The following CWC27 variants were observed in gnomAD, a reference collection of about 807,000 sequenced individuals.
The protein encoded by CWC27 is CWC27 spliceosome associated cyclophilin.
Under a neutral mutation model 63.6 loss-of-function variants are expected in CWC27, and 47 were observed. The observed-to-expected ratio is 0.74, with a 90% CI of 0.58 to 0.94. The LOEUF (loss-of-function observed/expected upper bound fraction) is 0.94. Among genes scored for constraint, CWC27 ranks in the 40% least tolerant of loss-of-function variants. The pLI is 0.00. For missense variants in CWC27, 495 were observed against 554.3 expected (o/e 0.89, Z 1.07); for synonymous variants, 175 against 179.8 (o/e 0.97, Z 0.22).
chr5:64,807,394 G>A (rs1744721157), intron 10 of CWC27, among the ~76,000 whole-genome samples: 1 of 152,136 alleles, frequency 6.6e-6, no homozygotes, highest in Admixed American at 6.5e-5. Context: ...TTTACATATA[G>A]TAGGATCTTC....
chr5:64,898,116 G>A (rs951982390), intron 11 of CWC27, among the ~76,000 whole-genome samples: 1 of 152,106 alleles, frequency 6.6e-6, no homozygotes, highest in Admixed American at 6.5e-5. Context: ...ATAGAAAGTG[G>A]CCACATAATG....
intron 11 of CWC27, among the ~76,000 whole-genome samples, chr5:64,943,174 G>GA (rs1033137327): frequency 5.9e-5 from 9 of 152,062 alleles, no homozygotes; most frequent in African/African-American, 1.7e-4. Context: ...GGAGACAAGG[G>GA]AAAAAATGAA....
intron 11 of CWC27, among the ~76,000 whole-genome samples, chr5:64,926,278 AT>A (rs1748107112): frequency 6.6e-6 from 1 of 151,836 alleles, no homozygotes; most frequent in African/African-American, 2.4e-5. Flanking sequence ...TCAAGACAAA[AT>A]TTTAACCTTA....
chr5:64,910,365 C>T (rs1329173302), intron 11 of CWC27, among the ~76,000 whole-genome samples: 1 of 152,180 alleles, frequency 6.6e-6, no homozygotes, highest in Non-Finnish European at 1.5e-5. Context: ...GTCAGTCGGC[C>T]CCTACTGGGA....
chr5:64,827,722 A>AT (rs1391092491), intron 10 of CWC27, among the ~76,000 whole-genome samples: 9 of 151,966 alleles, frequency 5.9e-5, no homozygotes, highest in African/African-American at 1.9e-4. Flanking sequence ...TGTTTTCAAG[A>AT]TACTACATAC....
chr5:64,790,336 C>T (rs1218172868), intron 7 of CWC27, among the ~76,000 whole-genome samples: 1 of 152,152 alleles, frequency 6.6e-6, no homozygotes, highest in Non-Finnish European at 1.5e-5. Context: ...CACTCTGTCA[C>T]CTCAATATCT....
At position 64,966,189 on chromosome 5, in the gene CWC27, A is replaced by T. The variant is rs190424736; in HGVS notation, c.1043-5514A>T. 1.7e-3 allele frequency among the ~76,000 whole-genome samples: 242 copies of T among 143,828 alleles called. 4 individuals carry two copies. The highest frequency in any genetic ancestry group is 3.4e-3 in the Middle Eastern group (1 of 292). The allele number at this position is 143,828 out of a possible 152,430, so 94.4% of individuals were successfully genotyped here. Reference sequence around the variant, plus strand: ...AATGTGTATAGCTTCATAATCTAGCAAAAAAAAAAATAGTTTCCCTTTTCC... The same window carrying T: ...AATGTGTATAGCTTCATAATCTAGCTAAAAAAAAAATAGTTTCCCTTTTCC... On this transcript the variant is annotated intron_variant, in intron 11 of 13. Transcript: ENST00000381070.
At chr5:64,890,927 A>G (rs571064982) in intron 11 of CWC27, among the ~76,000 whole-genome samples, 1 of 152,168 alleles carries the variant, frequency 6.6e-6, no homozygotes, top group South Asian at 2.1e-4. Context: ...TTGGGCTAAC[A>G]ACAAATTTTT....
At chr5:64,785,937 GGT>G (rs772824046) in intron 5 of CWC27, among the ~76,000 whole-genome samples, 9 of 151,932 alleles carry the variant, frequency 5.9e-5, no homozygotes, top group Non-Finnish European at 1.2e-4. Context: ...TGCTGAGGTG[GGT>G]GGATCATGAG....
chr5:64,772,624 CAAAAAAAA>C (rs58675990), intron 1 of CWC27, among the ~76,000 whole-genome samples: 7 of 52,170 alleles, frequency 1.3e-4, no homozygotes, highest in Non-Finnish European at 2.3e-4. Flanking sequence ...GACTCTGTCT[CAAAAAAAA>C]AAAAAAAAAA....
At chr5:64,887,526 C>G (rs941099067) in intron 11 of CWC27, among the ~76,000 whole-genome samples, 3 of 152,078 alleles carry the variant, frequency 2.0e-5, no homozygotes, top group African/African-American at 7.2e-5. Context: ...ACCACCACAC[C>G]TGTCTGATTT....
intron 10 of CWC27, among the ~76,000 whole-genome samples, chr5:64,858,355 G>T (rs1240838930): frequency 6.7e-6 from 1 of 149,070 alleles, no homozygotes; most frequent in Admixed American, 6.7e-5. Context: ...CCAGCTACTC[G>T]GGAGGCTGAG....
chr5:64,925,876 T>C (rs1748101009), intron 11 of CWC27, among the ~76,000 whole-genome samples: 1 of 152,222 alleles, frequency 6.6e-6, no homozygotes, highest in African/African-American at 2.4e-5. Flanking sequence ...GTTGCTTTTG[T>C]GATTCCATTG....
Position 64,786,512 on chromosome 5 carries a change from T to A in CWC27, c.496-12T>A, listed in dbSNP as rs1428693356. 1 of 1,478,768 alleles carries A rather than the reference T, an allele frequency of 6.8e-7. No individual in the cohort carries two copies. The highest frequency in any genetic ancestry group is 1.4e-5 in the African/African-American group (1 of 69,486). 91.6% of individuals were successfully genotyped at this position (1,478,768 alleles called of 1,614,324 possible). On this transcript the variant is annotated splice_polypyrimidine_tract_variant and intron_variant, in intron 5 of 13. Transcript: ENST00000381070. Reference sequence around the variant, plus strand: ...AAATGGAATAATGTTTTCGAAATATTTTTTTTCATAGGTTTTGTTTAATCC... The same window carrying A: ...AAATGGAATAATGTTTTCGAAATATATTTTTTCATAGGTTTTGTTTAATCC...
At chr5:64,783,360 G>T (rs555782496) in intron 3 of CWC27, among the ~76,000 whole-genome samples, 1 of 151,856 alleles carries the variant, frequency 6.6e-6, no homozygotes, top group Non-Finnish European at 1.5e-5. Context: ...AAAAAGACAT[G>T]GTAAAATTAC....
At chr5:64,893,940 T>C (rs1489462540) in intron 11 of CWC27, among the ~76,000 whole-genome samples, 1 of 151,850 alleles carries the variant, frequency 6.6e-6, no homozygotes, top group African/African-American at 2.4e-5. Context: ...TTTTTTTTTT[T>C]TTTTTCCTAG....
chr5:64,873,336 T>G (rs533576581), intron 10 of CWC27, among the ~76,000 whole-genome samples: 49 of 152,008 alleles, frequency 3.2e-4, no homozygotes, highest in Admixed American at 8.5e-4. Context: ...ATACATCAAT[T>G]AAGTAACAAA....
At chr5:64,957,387 A>G (rs1217029171) in intron 11 of CWC27, among the ~76,000 whole-genome samples, 2 of 152,178 alleles carry the variant, frequency 1.3e-5, no homozygotes, top group Non-Finnish European at 2.9e-5. Context: ...ATCGAGCTAC[A>G]AGAATTGCGG....
At chr5:64,861,781 G>C (rs1746417783) in intron 10 of CWC27, among the ~76,000 whole-genome samples, 1 of 152,122 alleles carries the variant, frequency 6.6e-6, no homozygotes, top group South Asian at 2.1e-4. Flanking sequence ...CTGCCATTGT[G>C]CTGCCTTACA....
Sources: gnomAD v4.1 joint callset for allele counts (sites outside exome capture counted in the v4.1 genomes callset) on GRCh38, gnomAD v4.1.1 for gene constraint, MANE v1.5 for transcripts, NCBI Gene and HGNC (gene_info 2026-07-23, HGNC 2026-07-21) for gene names.